RALGPS1: variants seen among roughly 807,000 people sequenced by gnomAD.
RALGPS1 encodes the protein ras-specific guanine nucleotide-releasing factor RalGPS1.
A neutral mutation model predicts 78.8 loss-of-function variants in RALGPS1; 19 were observed. The ratio of observed to expected loss-of-function variants is 0.24; its 90% CI spans 0.17 to 0.35. The LOEUF is 0.35. RALGPS1 is among the 10% of genes least tolerant of loss of function. RALGPS1 has a pLI of 1.00. For synonymous variants in RALGPS1, 228 were observed against 256.3 expected, an observed-to-expected ratio of 0.89 and a Z score of 1.06; for missense variants, 454 against 688.3, an observed-to-expected ratio of 0.66 and a Z score of 3.81.
At chr9:127,166,032 A>G in intron 8 of RALGPS1, 37 bp from the exon 9 acceptor site, 1 of 1,581,986 alleles carries the variant, frequency 6.3e-7, no homozygotes, top group Non-Finnish European at 8.6e-7. Flanking sequence ...GTTTGTGGTA[A>G]GCTCCTTCCA....
At chr9:127,168,429 G>A (rs2059399154) in intron 9 of RALGPS1, among the ~76,000 whole-genome samples, 1 of 152,172 alleles carries the variant, frequency 6.6e-6, no homozygotes, top group Admixed American at 6.5e-5. Context: ...AAAACATGGT[G>A]GCCTCAGAGT....
At chr9:127,021,603 A>G (rs2045453595) in intron 4 of RALGPS1, among the ~76,000 whole-genome samples, 1 of 151,030 alleles carries the variant, frequency 6.6e-6, no homozygotes, top group Non-Finnish European at 1.5e-5. Context: ...CTAATTAAAA[A>G]AAAGAAAAGT....
In RALGPS1 at chr9:127,071,039, C is replaced by CTCTCTA. The variant is rs1554816818; in HGVS notation, c.610+1684_610+1685insCTCTAT. ...TAAATTTGAATCTCTCTCTCTCTCT[C>CTCTCTA]TATATATATATACACTAAATACTAA... On this transcript the variant is annotated intron_variant, in intron 8 of 18. Coordinates refer to ENST00000259351, the MANE Select transcript of RALGPS1 (RefSeq NM_014636.3). 8.5e-3 allele frequency among the ~76,000 whole-genome samples: 1,257 copies of CTCTCTA among 147,380 alleles called. 21 individuals carry two copies. The highest frequency in any genetic ancestry group is 0.029 in the African/African-American group (1,181 of 40,074).
intron 8 of RALGPS1, chr9:127,108,214 G>A (rs2054426329): frequency 1.2e-6 from 2 of 1,613,976 alleles, no homozygotes; most frequent in Admixed American, 1.7e-5. Flanking sequence ...GTACTTGCTG[G>A]CCAGCTGCAG....
chr9:126,941,130 G>GCCC lies in RALGPS1; in HGVS notation c.-65-21088_-65-21086dup, dbSNP rs11434207. On this transcript the variant is annotated intron_variant, in intron 1 of 18. Coordinates refer to ENST00000259351, the MANE Select transcript of RALGPS1 (RefSeq NM_014636.3). Reference sequence around the variant, plus strand: ...TTCTCAGTGAGGACTTCTCATATACGCCCCCCCCCTTTAAAATTATGACTT... The same window carrying GCCC: ...TTCTCAGTGAGGACTTCTCATATACGCCCCCCCCCCCCTTTAAAATTATGACTT... Among the ~76,000 whole-genome samples, 840 of 150,216 alleles carry GCCC rather than the reference G, an allele frequency of 5.6e-3. 4 individuals are homozygous for GCCC. Among genetic ancestry groups the GCCC allele is most frequent in the South Asian group, 0.016 (75 of 4,692 alleles).
intron 14 of RALGPS1, among the ~76,000 whole-genome samples, chr9:127,201,348 G>A (rs1009190196): frequency 6.6e-6 from 1 of 152,206 alleles, no homozygotes; most frequent in African/African-American, 2.4e-5. Context: ...CTTGCTGAGG[G>A]GAGCAGGGGG....
chr9:127,148,664 T>C (rs934707514), intron 8 of RALGPS1, among the ~76,000 whole-genome samples: 2 of 151,996 alleles, frequency 1.3e-5, no homozygotes, highest in South Asian at 4.2e-4. Flanking sequence ...TCAAACCAGG[T>C]CTCCCTACCT....
intron 8 of RALGPS1, among the ~76,000 whole-genome samples, chr9:127,150,090 A>G (rs538425370): frequency 6.6e-6 from 1 of 152,212 alleles, no homozygotes; most frequent in Non-Finnish European, 1.5e-5. Context: ...TGAACAAGCA[A>G]CTTAGCCTCT....
At chr9:127,217,190 A>C in intron 18 of RALGPS1, 2 of 1,234,908 alleles carry the variant, frequency 1.6e-6, no homozygotes, top group Non-Finnish European at 2.0e-6. Context: ...GTAGCATGGC[A>C]AGGCTACAAG....
intron 2 of RALGPS1, 63 bp downstream of exon 2, chr9:126,962,409 C>A (rs2038980105): frequency 6.5e-7 from 1 of 1,541,746 alleles, no homozygotes; most frequent in Non-Finnish European, 9.0e-7. Flanking sequence ...AACCCAGGCC[C>A]CAGCTGAGCC....
intron 8 of RALGPS1, among the ~76,000 whole-genome samples, chr9:127,133,428 C>T (rs1208041662): frequency 1.3e-5 from 2 of 152,260 alleles, no homozygotes; most frequent in African/African-American, 4.8e-5. Context: ...GTTTACTCAG[C>T]GAGCTTGAGA....
In RALGPS1 at chr9:127,183,761, T is replaced by C. The variant is rs946223962; in HGVS notation, c.910+8979T>C. 3.8e-5 allele frequency: 36 copies of C among 949,396 alleles called. No individual in the cohort carries two copies. The highest frequency in any genetic ancestry group is 5.3e-5 in the Non-Finnish European group (34 of 646,878). The allele number at this position is 949,396 out of a possible 1,614,324, so 58.8% of individuals were successfully genotyped here. Reference sequence around the variant, plus strand: ...GAAACATACTCTCTCTGCCCGTTTATATTTTCGGAATGGATGGGTGGGAGG... The same window carrying C: ...GAAACATACTCTCTCTGCCCGTTTACATTTTCGGAATGGATGGGTGGGAGG... On this transcript the variant is annotated intron_variant, in intron 11 of 18. Transcript: ENST00000259351. This position sits in a 1 kb window ranked among gnomAD's most constrained non-coding sequence, Gnocchi z 4.0.
intron 4 of RALGPS1, 72 bp from the exon 5 acceptor site, chr9:127,034,359 C>G (rs1223555352): frequency 4.5e-6 from 6 of 1,331,042 alleles, no homozygotes; most frequent in Non-Finnish European, 4.3e-6. Context: ...TGCTCATGTT[C>G]CCATTTAATG....
At chr9:127,081,416 G>A (rs1034815134) in intron 8 of RALGPS1, among the ~76,000 whole-genome samples, 1 of 152,208 alleles carries the variant, frequency 6.6e-6, no homozygotes, top group African/African-American at 2.4e-5. Context: ...GATTGATGAG[G>A]AAAGGCTGCC....
intron 11 of RALGPS1, among the ~76,000 whole-genome samples, chr9:127,182,808 C>T (rs1017689599): frequency 2.6e-5 from 4 of 152,066 alleles, no homozygotes; most frequent in African/African-American, 9.7e-5. Context: ...AGAAAATACC[C>T]CACTCCTAGT....
Position 127,000,534 on chromosome 9 carries a change from C to CTTTTTT in RALGPS1, c.216+22815_216+22820dup, listed in dbSNP as rs1163116649. Among the ~76,000 whole-genome samples, 51 of 33,338 alleles carry CTTTTTT rather than the reference C, an allele frequency of 1.5e-3. 4 individuals carry two copies. Among genetic ancestry groups the CTTTTTT allele is most frequent in the East Asian group, 7.9e-3 (6 of 756 alleles). The allele number at this position is 33,338 out of a possible 152,430, so 21.9% of individuals were successfully genotyped here. A position where few individuals can be genotyped will look rare whatever the true frequency, so the allele number is the denominator to read the frequency against. ...TCCTGCTATTGATTTCTTGTCTTGT[C>CTTTTTT]TTTTTTTTTTTTTTTTTTTTTTTTT... On this transcript the variant is annotated intron_variant, in intron 4 of 18. Coordinates refer to ENST00000259351, the MANE Select transcript of RALGPS1 (RefSeq NM_014636.3).
intron 11 of RALGPS1, chr9:127,178,545 T>A (rs1437606131): frequency 5.2e-6 from 5 of 959,058 alleles, no homozygotes; most frequent in Non-Finnish European, 6.2e-6. Context: ...CATCATTGCC[T>A]CAGCCTGCAG....
At chr9:126,947,530 A>G (rs2037394263) in intron 1 of RALGPS1, among the ~76,000 whole-genome samples, 1 of 152,218 alleles carries the variant, frequency 6.6e-6, no homozygotes, top group Non-Finnish European at 1.5e-5. Context: ...CATTTCGAAT[A>G]AGGGATGCGC....
At chr9:127,061,089 A>G (rs2049176209) in intron 7 of RALGPS1, among the ~76,000 whole-genome samples, 1 of 152,208 alleles carries the variant, frequency 6.6e-6, no homozygotes, top group Non-Finnish European at 1.5e-5. Flanking sequence ...GTGGCACATG[A>G]TGAAAGCTGG....
Sources: gnomAD v4.1 joint callset for allele counts (sites outside exome capture counted in the v4.1 genomes callset) on GRCh38, gnomAD v4.1.1 for gene constraint, Gnocchi (gnomAD v3.1) non-coding constraint, MANE v1.5 for transcripts, NCBI Gene and HGNC (gene_info 2026-07-23, HGNC 2026-07-21) for gene names.